The following GPHN variants were observed in gnomAD, a reference collection of about 807,000 sequenced individuals.
The protein encoded by GPHN is gephyrin.
A neutral mutation model predicts 95.5 loss-of-function variants in GPHN; 17 were observed. That is an observed-to-expected ratio of 0.18 (90% CI 0.12 to 0.27). GPHN has a LOEUF of 0.27. Among genes scored for constraint, GPHN ranks in the 10% least tolerant of loss-of-function variants. GPHN has a pLI of 1.00. For missense variants in GPHN, 660 were observed against 978.1 expected (o/e 0.67, Z 4.34); for synonymous variants, 320 against 322.5 (o/e 0.99, Z 0.08).
chr14:67,475,512 T>G, the GPHN span, among the ~76,000 whole-genome samples: 3 of 152,226 alleles, frequency 2.0e-5, no homozygotes, highest in Admixed American at 2.0e-4. Flanking sequence ...CCATCAGCAA[T>G]GTACAAGGGT....
the GPHN span, among the ~76,000 whole-genome samples, chr14:67,527,195 C>T: frequency 6.6e-6 from 1 of 152,186 alleles, no homozygotes; most frequent in Admixed American, 6.5e-5. Context: ...TCTTTAGAGT[C>T]AGGCAGGGCA....
chr14:66,539,519 A>G (rs1016855837), intron 1 of GPHN, among the ~76,000 whole-genome samples: 2 of 147,464 alleles, frequency 1.4e-5, no homozygotes, highest in African/African-American at 5.1e-5. Flanking sequence ...GGTTCAAGCG[A>G]TTCTCCTGCC....
chr14:67,423,361 C>A, the GPHN span, among the ~76,000 whole-genome samples: 1 of 152,320 alleles, frequency 6.6e-6, no homozygotes, highest in South Asian at 2.1e-4. Flanking sequence ...CACCTCCACC[C>A]TCCACAGCCA....
intron 2 of GPHN, among the ~76,000 whole-genome samples, chr14:66,728,877 G>T (rs2071499754): frequency 6.6e-6 from 1 of 152,124 alleles, no homozygotes; most frequent in African/African-American, 2.4e-5. Context: ...TTTAGGAGGG[G>T]TCGGGGTGGA....
chr14:67,154,426 T>C (rs1234065673), intron 18 of GPHN, among the ~76,000 whole-genome samples: 3 of 152,214 alleles, frequency 2.0e-5, no homozygotes, highest in African/African-American at 7.2e-5. Context: ...TTTTTGGCTA[T>C]TTCTCTCCAG....
intron 9 of GPHN, among the ~76,000 whole-genome samples, chr14:66,999,564 T>TTGGAATTG (rs1277285303): frequency 6.6e-6 from 1 of 151,948 alleles, no homozygotes; most frequent in African/African-American, 2.4e-5. Flanking sequence ...TTCTTGGCCT[T>TTGGAATTG]TGGAATTGGC....
chr14:67,338,922 T>TA, the GPHN span, among the ~76,000 whole-genome samples: 41 of 151,758 alleles, frequency 2.7e-4, no homozygotes, highest in African/African-American at 9.0e-4. Context: ...TAATCCTTTT[T>TA]AAAAAACATA....
At chr14:66,588,987 G>A (rs1256205663) in intron 1 of GPHN, among the ~76,000 whole-genome samples, 1 of 152,104 alleles carries the variant, frequency 6.6e-6, no homozygotes, top group Non-Finnish European at 1.5e-5. Flanking sequence ...CAGAGAGAAA[G>A]GTCAGGTTAC....
At chr14:66,646,474 G>C (rs554032517) in intron 1 of GPHN, among the ~76,000 whole-genome samples, 1 of 152,126 alleles carries the variant, frequency 6.6e-6, no homozygotes, top group Admixed American at 6.5e-5. Context: ...TGAAGGTAGG[G>C]TCTCAAAGAG....
At chr14:66,856,350 T>C (rs1225248791) in intron 4 of GPHN, among the ~76,000 whole-genome samples, 1 of 152,136 alleles carries the variant, frequency 6.6e-6, no homozygotes, top group Non-Finnish European at 1.5e-5. Flanking sequence ...ATTCATATGC[T>C]AGTGTTGCAT....
the GPHN span, chr14:67,541,792 A>T: frequency 7.4e-7 from 1 of 1,356,044 alleles, no homozygotes; most frequent in African/African-American, 1.5e-5. Flanking sequence ...TCTTCCTCAC[A>T]CGCTTATTTA....
chr14:67,602,173 C>T, the GPHN span, among the ~76,000 whole-genome samples: 2 of 152,146 alleles, frequency 1.3e-5, no homozygotes, highest in African/African-American at 2.4e-5. Context: ...GGCAAGGCCT[C>T]AGGAAACTTA....
chr14:66,509,408 G>A (rs375817040), intron 1 of GPHN: 37 of 152,384 alleles, frequency 2.4e-4, no homozygotes, highest in African/African-American at 8.4e-4. Flanking sequence ...GGCTGGTGAG[G>A]AGCGCACTTT....
intron 2 of GPHN, among the ~76,000 whole-genome samples, chr14:66,770,818 GTTTTA>G (rs550437555): frequency 5.2e-4 from 79 of 151,648 alleles, no homozygotes; most frequent in African/African-American, 1.7e-3. Context: ...TGTTATCATT[GTTTTA>G]TTTTATTATT....
At chr14:67,257,700 T>C in the GPHN span, among the ~76,000 whole-genome samples, 8 of 152,162 alleles carry the variant, frequency 5.3e-5, no homozygotes, top group African/African-American at 1.9e-4. Context: ...TTTTTATACA[T>C]GTCACTAGAA....
the GPHN span, among the ~76,000 whole-genome samples, chr14:67,640,385 GA>G: frequency 1.3e-5 from 2 of 152,202 alleles, no homozygotes; most frequent in African/African-American, 4.8e-5. Context: ...AGGAAAAAAA[GA>G]ATAGGACAAA....
the GPHN span, among the ~76,000 whole-genome samples, chr14:67,339,480 C>T: frequency 6.6e-6 from 1 of 152,078 alleles, no homozygotes; most frequent in Non-Finnish European, 1.5e-5. Flanking sequence ...CTAAGACCCC[C>T]CATGCCTTTC....
the GPHN span, chr14:67,292,659 C>A: frequency 6.2e-7 from 1 of 1,613,768 alleles, no homozygotes; most frequent in Non-Finnish European, 8.5e-7. Flanking sequence ...TCACAGTACA[C>A]ATGAACAAGG....
At chr14:67,255,852 T>C in the GPHN span, among the ~76,000 whole-genome samples, 1 of 152,276 alleles carries the variant, frequency 6.6e-6, no homozygotes, top group South Asian at 2.1e-4. Context: ...TATGCCTGGC[T>C]AATTTTGTAT....
Sources: allele counts gnomAD v4.1 joint callset (sites outside exome capture counted in the v4.1 genomes callset), GRCh38; gene constraint gnomAD v4.1.1; transcripts MANE v1.5; gene names NCBI Gene and HGNC (gene_info 2026-07-23, HGNC 2026-07-21).